Variants in VAPB observed in about 807,000 individuals in gnomAD.
VAPB encodes the protein VAMP associated protein B and C.
VAPB carries 7 observed loss-of-function variants against 25.6 expected under a neutral mutation model. That is an observed-to-expected ratio of 0.27 (90% CI 0.16 to 0.51). VAPB has a LOEUF of 0.51. Ranked by LOEUF, VAPB falls within the 20% of genes least tolerant of loss-of-function variation. The pLI, the probability that VAPB is intolerant of heterozygous loss-of-function variation, is 0.97. For missense variants in VAPB, 266 were observed against 301.3 expected (o/e 0.88, Z 0.87); for synonymous variants, 112 against 109.2 (o/e 1.03, Z -0.16).
intron 3 of VAPB, among the ~76,000 whole-genome samples, chr20:58,437,035 T>C (rs967921103): frequency 6.7e-6 from 1 of 149,432 alleles, no homozygotes; most frequent in South Asian, 2.1e-4. Context: ...AGTCTTGCTT[T>C]GTCACCAAGG....
chr20:58,417,563 A>C (rs949922036), intron 1 of VAPB, among the ~76,000 whole-genome samples: 1 of 152,236 alleles, frequency 6.6e-6, no homozygotes, highest in African/African-American at 2.4e-5. Context: ...GTGAGTAATT[A>C]GTACCGTCTG....
chr20:58,415,030 C>A (rs1269964820), intron 1 of VAPB, among the ~76,000 whole-genome samples: 1 of 152,280 alleles, frequency 6.6e-6, no homozygotes, highest in African/African-American at 2.4e-5. Flanking sequence ...GGAGACCGGC[C>A]TGGCCAACAC....
intron 1 of VAPB, among the ~76,000 whole-genome samples, chr20:58,403,524 A>G (rs1988150323): frequency 6.6e-6 from 1 of 151,524 alleles, no homozygotes; most frequent in Non-Finnish European, 1.5e-5. Context: ...CTTCACTCAA[A>G]CCCTTCTTAG....
chr20:58,415,987 A>G (rs565085739), intron 1 of VAPB, among the ~76,000 whole-genome samples: 59 of 152,266 alleles, frequency 3.9e-4, no homozygotes, highest in Admixed American at 1.1e-3. Context: ...AAATATCTTG[A>G]TTTTTACCCA....
chr20:58,414,491 T>G (rs1988482206), intron 1 of VAPB, among the ~76,000 whole-genome samples: 1 of 139,420 alleles, frequency 7.2e-6, no homozygotes, highest in African/African-American at 2.8e-5. Flanking sequence ...GGGCAGAGGG[T>G]CTCCTCACCT....
At position 58,447,500 on chromosome 20, in the gene VAPB, A is replaced by G. The variant is rs1226662845; in HGVS notation, c.*3265A>G. On this transcript the variant is annotated 3_prime_UTR_variant, in exon 6 of 6. Transcript: ENST00000475243. ...ATGAAGAACCTCCAGTGATCCGTGA[A>G]AACCTAAACGCTTTCAAACAAATCC... 2.6e-5 allele frequency: 12 copies of G among 454,024 alleles called. No individual in the cohort carries two copies. The highest frequency in any genetic ancestry group is 5.3e-5 in the Non-Finnish European group (12 of 226,808). The allele number at this position is 454,024 out of a possible 1,614,324, so 28.1% of individuals were successfully genotyped here. A position where few individuals can be genotyped will look rare whatever the true frequency, so the allele number is the denominator to read the frequency against.
intron 1 of VAPB, among the ~76,000 whole-genome samples, chr20:58,390,908 A>G (rs1416687340): frequency 6.6e-6 from 1 of 152,218 alleles, no homozygotes; most frequent in Non-Finnish European, 1.5e-5. Flanking sequence ...CAAGTTAACA[A>G]TGTGAAATAA....
intron 2 of VAPB, among the ~76,000 whole-genome samples, chr20:58,426,186 GC>G (rs1398764083): frequency 1.3e-5 from 2 of 152,148 alleles, no homozygotes; most frequent in African/African-American, 4.8e-5. Flanking sequence ...GTGAGCCACT[GC>G]ACCTGGCCTT....
At chr20:58,424,105 A>G (rs1276818286) in intron 2 of VAPB, among the ~76,000 whole-genome samples, 1 of 152,218 alleles carries the variant, frequency 6.6e-6, no homozygotes, top group African/African-American at 2.4e-5. Context: ...GCTGAAGGTA[A>G]CTTCAACTCT....
At chr20:58,433,971 T>C (rs1452578274) in intron 2 of VAPB, among the ~76,000 whole-genome samples, 5 of 152,230 alleles carry the variant, frequency 3.3e-5, no homozygotes, top group African/African-American at 1.2e-4. Context: ...CCTCCCTCCA[T>C]GCAGTGGGTG....
In VAPB at chr20:58,449,387, AAG is replaced by A. The variant is rs1002175938; in HGVS notation, c.*5156_*5157del. ...ATAAACAGTTATGGATGATAGTTAA[AAG>A]AGAAACGGGTGGAGGTGGATGAGAG... On this transcript the variant is annotated 3_prime_UTR_variant, in exon 6 of 6. Coordinates refer to ENST00000475243, the MANE Select transcript of VAPB (RefSeq NM_004738.5). The A allele has an allele frequency of 8.8e-6, 4 of 453,614 alleles. No individual in the cohort carries two copies. The highest frequency in any genetic ancestry group is 6.0e-5 in the African/African-American group (3 of 49,980). The allele number at this position is 453,614 out of a possible 1,614,324, so 28.1% of individuals were successfully genotyped here.
intron 1 of VAPB, among the ~76,000 whole-genome samples, chr20:58,389,976 CTG>C (rs1987751617): frequency 6.6e-6 from 1 of 152,238 alleles, no homozygotes. Flanking sequence ...TATTCCGTCA[CTG>C]TTTCGTGGTC....
At chr20:58,427,514 G>A (rs1157819660) in intron 2 of VAPB, among the ~76,000 whole-genome samples, 1 of 152,034 alleles carries the variant, frequency 6.6e-6, no homozygotes, top group East Asian at 1.9e-4. Flanking sequence ...GCAGGCAAAA[G>A]TGATTTGTGA....
At chr20:58,426,513 G>A (rs1232293560) in intron 2 of VAPB, among the ~76,000 whole-genome samples, 1 of 152,194 alleles carries the variant, frequency 6.6e-6, no homozygotes, top group Non-Finnish European at 1.5e-5. Flanking sequence ...ATCACTGGGT[G>A]TAAGGACATA....
chr20:58,424,685 T>C (rs1294820355), intron 2 of VAPB, among the ~76,000 whole-genome samples: 1 of 152,242 alleles, frequency 6.6e-6, no homozygotes, highest in African/African-American at 2.4e-5. Context: ...TAAGCCTTGT[T>C]ATTTGGCCAG....
intron 2 of VAPB, chr20:58,431,444 A>G (rs1015761511): frequency 2.0e-5 from 3 of 152,220 alleles, no homozygotes; most frequent in Non-Finnish European, 4.4e-5. Context: ...ACTACTGTAA[A>G]TTGTTTTTCT....
rs1374411843 is a variant in VAPB at position 58,446,745 on chromosome 20, G to C, written c.*2510G>C. ...TTTGACTGAGTGGCAGAAGGAAACT[G>C]CTCAGGAAGAGAAACAGGTGACTGA... On this transcript the variant is annotated 3_prime_UTR_variant, in exon 6 of 6. Transcript: ENST00000475243. 6 of 453,938 alleles carry C rather than the reference G, an allele frequency of 1.3e-5. No homozygotes were observed. The highest frequency in any genetic ancestry group is 1.2e-4 in the African/African-American group (6 of 49,976). The allele number at this position is 453,938 out of a possible 1,614,324, so 28.1% of individuals were successfully genotyped here.
chr20:58,441,417 C>T (rs564904357), intron 5 of VAPB, among the ~76,000 whole-genome samples: 2 of 152,016 alleles, frequency 1.3e-5, no homozygotes, highest in Admixed American at 6.5e-5. Flanking sequence ...CAAGGCGGGC[C>T]GATCACAAGG....
At position 58,421,030 on chromosome 20, in the gene VAPB, C is replaced by A. The variant is rs181038056; in HGVS notation, c.211+2667C>A. Among the ~76,000 whole-genome samples the A allele has an allele frequency of 6.6e-5, 10 of 152,310 alleles. No homozygotes were observed. The East Asian group carries it at 1.9e-3, about 29-fold the overall frequency. ...CAGTGCAGATTATCCAAAAGCCAGC[C>A]TCCCCTTCTCCCCAGATATGCACAT... On this transcript the variant is annotated intron_variant, in intron 2 of 5. Coordinates refer to ENST00000475243, the MANE Select transcript of VAPB (RefSeq NM_004738.5).
Sources: allele counts gnomAD v4.1 joint callset (sites outside exome capture counted in the v4.1 genomes callset), GRCh38; gene constraint gnomAD v4.1.1; transcripts MANE v1.5; gene names NCBI Gene and HGNC (gene_info 2026-07-23, HGNC 2026-07-21).